Variants in KIF3C observed in about 807,000 individuals in gnomAD.
The protein encoded by KIF3C is kinesin-like protein KIF3C.
In KIF3C, 12 loss-of-function variants were observed where a neutral mutation model predicts 67.7. The ratio of observed to expected loss-of-function variants is 0.18; its 90% CI spans 0.11 to 0.29. The LOEUF (loss-of-function observed/expected upper bound fraction) is 0.29. Ranked by LOEUF, KIF3C falls within the 10% of genes least tolerant of loss-of-function variation. KIF3C has a pLI of 1.00. For synonymous variants in KIF3C, 393 were observed against 426.2 expected, an observed-to-expected ratio of 0.92 and a Z score of 0.96; for missense variants, 789 against 1,059.6, an observed-to-expected ratio of 0.74 and a Z score of 3.55.
At position 25,958,378 on chromosome 2, in the gene KIF3C, C is replaced by T. The variant is rs200930569; in HGVS notation, c.1546-1934G>A. Among the ~76,000 whole-genome samples, 3 of 152,034 alleles carry T rather than the reference C, an allele frequency of 2.0e-5. No homozygotes were observed. Among genetic ancestry groups the T allele is most frequent in the Admixed American group, 6.6e-5 (1 of 15,258 alleles). On this transcript the variant is annotated intron_variant, in intron 1 of 7. Coordinates refer to ENST00000264712, the MANE Select transcript of KIF3C (RefSeq NM_002254.8). This position sits in a 1 kb window ranked among gnomAD's most constrained non-coding sequence, Gnocchi z 4.5. Reference sequence around the variant, plus strand: ...GGCGGATCATCTGAGGTCAGGAGTTCGATACCAGCCTGGCCAAAATGGAGA... The same window carrying T: ...GGCGGATCATCTGAGGTCAGGAGTTTGATACCAGCCTGGCCAAAATGGAGA...
chr2:25,942,156 G>C (rs948384809), intron 5 of KIF3C, among the ~76,000 whole-genome samples: 1 of 151,718 alleles, frequency 6.6e-6, no homozygotes, highest in Non-Finnish European at 1.5e-5. Context: ...TCAGGAGTTC[G>C]AGACCAGCCT....
Position 25,927,335 on chromosome 2 carries a change from C to T in KIF3C, c.*1643G>A, listed in dbSNP as rs2090419738. On this transcript the variant is annotated 3_prime_UTR_variant, in exon 8 of 8. Transcript: ENST00000264712. ...TTCTACACACAACTCCTGTCCCAGC[C>T]ACAGTCGAACCTCTGATCTGAATCC... The T allele has an allele frequency of 6.6e-6, 1 of 152,650 alleles. No homozygotes were observed. Among genetic ancestry groups the T allele is most frequent in the African/African-American group, 2.4e-5 (1 of 41,456 alleles). 9.5% of individuals were successfully genotyped at this position (152,650 alleles called of 1,614,324 possible).
At chr2:25,934,860 G>A (rs1293251189) in intron 5 of KIF3C, among the ~76,000 whole-genome samples, 1 of 152,024 alleles carries the variant, frequency 6.6e-6, no homozygotes, top group African/African-American at 2.4e-5. Context: ...AGGAGTCTGA[G>A]GCTGTAGCGT....
At chr2:25,973,449 G>C (rs1172661962) in intron 1 of KIF3C, among the ~76,000 whole-genome samples, 1 of 151,304 alleles carries the variant, frequency 6.6e-6, no homozygotes, top group Admixed American at 6.6e-5. Flanking sequence ...AGCTACTTAA[G>C]AGGCTGAGGC....
At chr2:25,941,294 A>C (rs1398402668) in intron 5 of KIF3C, among the ~76,000 whole-genome samples, 1 of 152,020 alleles carries the variant, frequency 6.6e-6, no homozygotes, top group Non-Finnish European at 1.5e-5. Context: ...ACACAGTGAG[A>C]CCCTGTCTCA....
intron 5 of KIF3C, among the ~76,000 whole-genome samples, chr2:25,930,450 C>T (rs1574475908): frequency 6.6e-6 from 1 of 152,314 alleles, no homozygotes; most frequent in East Asian, 1.9e-4. Context: ...CCTCCACCTC[C>T]CAGGTTCAAG....
chr2:25,956,236 CTG>C, intron 2 of KIF3C, 105 bp downstream of exon 2: 1 of 833,708 alleles, frequency 1.2e-6, no homozygotes, highest in Non-Finnish European at 2.0e-6. Context: ...ATTCTCAGCA[CTG>C]TAATTCCAGA....
intron 1 of KIF3C, among the ~76,000 whole-genome samples, chr2:25,968,498 T>C (rs996346193): frequency 6.6e-6 from 1 of 152,210 alleles, no homozygotes; most frequent in Non-Finnish European, 1.5e-5. Context: ...GATCAATGCT[T>C]ATCTTCACCT....
At chr2:25,950,499 G>C (rs1663580105) in intron 5 of KIF3C, among the ~76,000 whole-genome samples, 1 of 152,068 alleles carries the variant, frequency 6.6e-6, no homozygotes. Flanking sequence ...TGAGATTACA[G>C]ACTTGAGCCA....
At chr2:25,931,270 A>G (rs2090456615) in intron 5 of KIF3C, among the ~76,000 whole-genome samples, 1 of 151,914 alleles carries the variant, frequency 6.6e-6, no homozygotes, top group African/African-American at 2.4e-5. Flanking sequence ...CAGCCTGACC[A>G]ACATGAAGAC....
At position 25,980,898 on chromosome 2, in the gene KIF3C, G is replaced by A. The variant is rs1303936765; in HGVS notation, c.1020C>T (p.Ala340=). ...AGCTGTGAGAAGCTGGCCCCAGTGTGGCTACCATGATGGTCTTGGCATTCC... is the reference window on the plus strand; with the variant it reads ...AGCTGTGAGAAGCTGGCCCCAGTGTAGCTACCATGATGGTCTTGGCATTCC... ...LGGNAKTIMV[A]TLGPASHSYD... is the part of the protein sequence containing the mutation. The change falls in exon 1 of 8, where the codon GCC becomes GCT. Residue 340 remains alanine (A), a synonymous_variant. Transcript: ENST00000264712. The surrounding 1 kb of genome is among the most constrained non-coding windows in gnomAD (Gnocchi z 7.6). The A allele has an allele frequency of 6.2e-7, 1 of 1,614,100 alleles. No homozygotes were observed. Among genetic ancestry groups the A allele is most frequent in the African/African-American group, 1.3e-5 (1 of 74,934 alleles).
chr2:25,938,295 T>C, intron 5 of KIF3C: 1 of 450,498 alleles, frequency 2.2e-6, no homozygotes, highest in Non-Finnish European at 4.4e-6. Context: ...GAGATGGAGG[T>C]TTCAGTGAGC....
intron 1 of KIF3C, among the ~76,000 whole-genome samples, chr2:25,979,791 CAT>C (rs1664516884): frequency 6.6e-6 from 1 of 152,170 alleles, no homozygotes; most frequent in Non-Finnish European, 1.5e-5. Flanking sequence ...TCTGCCACTT[CAT>C]AGGATGGAAC....
At chr2:25,964,063 T>C (rs1178081217) in intron 1 of KIF3C, among the ~76,000 whole-genome samples, 1 of 152,146 alleles carries the variant, frequency 6.6e-6, no homozygotes. Flanking sequence ...ATCCCAACAC[T>C]TTCGGAGACC....
chr2:25,972,961 T>A (rs1400214212), intron 1 of KIF3C, among the ~76,000 whole-genome samples: 3 of 152,200 alleles, frequency 2.0e-5, no homozygotes, highest in Non-Finnish European at 4.4e-5. Context: ...TAACTGGTTA[T>A]GACAGAGAGC....
rs115377253 is a variant in KIF3C at position 25,954,439 on chromosome 2, A to G, written c.1771-54T>C. On this transcript the variant is annotated intron_variant, in intron 3 of 7. Transcript: ENST00000264712. ...CTGCTTGGTGTGGCAACGAGGCCCC[A>G]GTCACCCAGCCTGGGCCGCAGGGCT... is the stretch of plus-strand genomic sequence containing the variant. The G allele has an allele frequency of 1.9e-3, 2,600 of 1,369,836 alleles. 44 individuals are homozygous for G. In the African/African-American group the frequency reaches 0.033, roughly 18 times the overall value. The allele number at this position is 1,369,836 out of a possible 1,614,324, so 84.9% of individuals were successfully genotyped here.
At chr2:25,962,959 ATATATAT>A (rs1559555364) in intron 1 of KIF3C, among the ~76,000 whole-genome samples, 3 of 34,192 alleles carry the variant, frequency 8.8e-5, no homozygotes, top group South Asian at 6.1e-4. Context: ...ATAATATATA[ATATATAT>A]AATATATAAT....
intron 1 of KIF3C, among the ~76,000 whole-genome samples, chr2:25,972,937 C>T (rs1664318121): frequency 6.6e-6 from 1 of 152,010 alleles, no homozygotes; most frequent in African/African-American, 2.4e-5. Flanking sequence ...TTCCCATTGT[C>T]TTTGACTCTT....
Position 25,958,002 on chromosome 2 carries a change from C to T in KIF3C, c.1546-1558G>A, listed in dbSNP as rs1663850974. Among the ~76,000 whole-genome samples the T allele has an allele frequency of 6.6e-6, 1 of 152,206 alleles. No homozygotes were observed. Among genetic ancestry groups the T allele is most frequent in the Admixed American group, 6.5e-5 (1 of 15,282 alleles). On this transcript the variant is annotated intron_variant, in intron 1 of 7. Coordinates refer to ENST00000264712, the MANE Select transcript of KIF3C (RefSeq NM_002254.8). The surrounding 1 kb of genome is among the most constrained non-coding windows in gnomAD (Gnocchi z 4.5). ...CCTTCACACTCCAGGTCAGCATTTGCAGGACCATGAGAGGGAAGAATCCCT... is the reference window on the plus strand; with the variant it reads ...CCTTCACACTCCAGGTCAGCATTTGTAGGACCATGAGAGGGAAGAATCCCT...
Sources: gnomAD v4.1 joint callset for allele counts (sites outside exome capture counted in the v4.1 genomes callset) on GRCh38, gnomAD v4.1.1 for gene constraint, Gnocchi (gnomAD v3.1) non-coding constraint, MANE v1.5 for transcripts, NCBI Gene and HGNC (gene_info 2026-07-23, HGNC 2026-07-21) for gene names.